SYT9: variants seen among roughly 807,000 people sequenced by gnomAD.
SYT9 encodes the protein synaptotagmin-9.
In SYT9, 22 loss-of-function variants were observed where a neutral mutation model predicts 48.4. That is an observed-to-expected ratio of 0.45 (90% CI 0.32 to 0.65). The LOEUF is 0.65. SYT9 is among the 30% of genes least tolerant of loss of function. The probability of loss-of-function intolerance (pLI) is 0.03; values close to 1 mark genes in which losing one functional copy is unlikely to be tolerated. For missense variants in SYT9, 577 were observed against 622.0 expected (o/e 0.93, Z 0.77); for synonymous variants, 265 against 245.0 (o/e 1.08, Z -0.76).
At chr11:7,331,232 A>T (rs200375411) in intron 3 of SYT9, among the ~76,000 whole-genome samples, 1 of 84,754 alleles carries the variant, frequency 1.2e-5, no homozygotes, top group Non-Finnish European at 2.5e-5. Flanking sequence ...GATTTTTTAT[A>T]TTGAGGACCA....
In SYT9 at chr11:7,339,218, T is replaced by C. The variant is rs114171042; in HGVS notation, c.1044+25277T>C. Among the ~76,000 whole-genome samples the C allele has an allele frequency of 2.5e-3, 380 of 152,284 alleles. 3 individuals are homozygous for C. Among genetic ancestry groups the C allele is most frequent in the African/African-American group, 8.4e-3 (351 of 41,560 alleles). Reference sequence around the variant, plus strand: ...CATTTTCTAGGTAGATTTTCCTCCATCCCTTTATTTTGAGGCTATAGGTCT... The same window carrying C: ...CATTTTCTAGGTAGATTTTCCTCCACCCCTTTATTTTGAGGCTATAGGTCT... On this transcript the variant is annotated intron_variant, in intron 3 of 6. Transcript: ENST00000318881.
At chr11:7,317,927 G>C (rs1047441668) in intron 3 of SYT9, among the ~76,000 whole-genome samples, 16 of 152,150 alleles carry the variant, frequency 1.1e-4, no homozygotes, top group Non-Finnish European at 1.9e-4. Context: ...GTTCAACCTT[G>C]GCTGGTACTT....
intron 3 of SYT9, among the ~76,000 whole-genome samples, chr11:7,390,343 A>C (rs1850739830): frequency 6.6e-6 from 1 of 152,146 alleles, no homozygotes; most frequent in African/African-American, 2.4e-5. Context: ...ACTGTGTATA[A>C]ATATTATTTT....
At chr11:7,294,372 A>C (rs11826146) in intron 1 of SYT9, among the ~76,000 whole-genome samples, 2,369 of 152,244 alleles carry the variant, frequency 0.016, 54 homozygotes, top group African/African-American at 0.055. Flanking sequence ...TCCAGCATTA[A>C]CTCTAAAGTC....
chr11:7,420,477 GAAA>G, intron 5 of SYT9, 26 bp from the exon 6 acceptor site: 1 of 1,610,744 alleles, frequency 6.2e-7, no homozygotes, highest in East Asian at 2.2e-5. Context: ...AAAATTTTAA[GAAA>G]AAACTATTGT....
intron 6 of SYT9, among the ~76,000 whole-genome samples, chr11:7,442,188 G>A (rs555935833): frequency 7.9e-5 from 12 of 151,896 alleles, no homozygotes; most frequent in South Asian, 6.2e-4. Flanking sequence ...TGCCATCAAC[G>A]CTCTGCTCTC....
chr11:7,313,834 T>G lies in SYT9; in HGVS notation c.937T>G (p.Phe313Val). 6.2e-7 allele frequency: 1 copy of G among 1,614,190 alleles called. No individual in the cohort carries two copies. Among genetic ancestry groups the G allele is most frequent in the Non-Finnish European group, 8.5e-7 (1 of 1,180,018 alleles). Reference protein sequence around the residue: ...LHFSVYDFDRFSRHDLIGQVV... With the variant: ...LHFSVYDFDRVSRHDLIGQVV... ...CTTCTCTGTGTACGACTTTGACAGG[T>G]TCTCTCGTCATGACTTAATCGGCCA... The change falls in exon 3 of 7, where the codon TTC becomes GTC. Residue 313 changes from phenylalanine (F) to valine (V), a missense_variant. Transcript: ENST00000318881.
At chr11:7,397,811 T>C (rs1338871947) in intron 3 of SYT9, among the ~76,000 whole-genome samples, 1 of 152,228 alleles carries the variant, frequency 6.6e-6, no homozygotes, top group Non-Finnish European at 1.5e-5. Context: ...ATTGCTAATA[T>C]ATAAAAATCA....
chr11:7,450,075 C>T (rs1237475595), intron 6 of SYT9, among the ~76,000 whole-genome samples: 1 of 152,178 alleles, frequency 6.6e-6, no homozygotes, highest in Non-Finnish European at 1.5e-5. Flanking sequence ...CTATCCAGAC[C>T]ACTGTGCTCA....
chr11:7,397,536 C>G (rs916121662), intron 3 of SYT9, among the ~76,000 whole-genome samples: 7 of 151,984 alleles, frequency 4.6e-5, no homozygotes, highest in African/African-American at 1.7e-4. Flanking sequence ...ATTTTAGAAT[C>G]AGTATTTCAA....
chr11:7,330,846 A>G (rs1202474386), intron 3 of SYT9, among the ~76,000 whole-genome samples: 1 of 152,166 alleles, frequency 6.6e-6, no homozygotes, highest in East Asian at 1.9e-4. Flanking sequence ...ACAGGTGCCC[A>G]CCACTACACC....
intron 6 of SYT9, among the ~76,000 whole-genome samples, chr11:7,452,376 G>A (rs4312043): frequency 0.31 from 47,140 of 152,018 alleles, 8,224 homozygotes; most frequent in African/African-American, 0.46. Context: ...CTCTGACTCT[G>A]TCCACTGCTT....
At chr11:7,399,141 C>T (rs1030927048) in intron 3 of SYT9, among the ~76,000 whole-genome samples, 2 of 152,084 alleles carry the variant, frequency 1.3e-5, no homozygotes, top group Admixed American at 1.3e-4. Flanking sequence ...TTGTCTGTTG[C>T]ACAGAAATTC....
chr11:7,321,447 T>G (rs933125027), intron 3 of SYT9, among the ~76,000 whole-genome samples: 3 of 152,194 alleles, frequency 2.0e-5, no homozygotes, highest in African/African-American at 4.8e-5. Flanking sequence ...GCAGGCAGGC[T>G]CTGTGATTGA....
chr11:7,334,404 C>T (rs1214259473), intron 3 of SYT9, among the ~76,000 whole-genome samples: 1 of 151,998 alleles, frequency 6.6e-6, no homozygotes, highest in East Asian at 1.9e-4. Context: ...AGGCCACTCG[C>T]GTGTGGTTAA....
chr11:7,443,275 A>G (rs1847862131), intron 6 of SYT9, among the ~76,000 whole-genome samples: 1 of 152,256 alleles, frequency 6.6e-6, no homozygotes, highest in African/African-American at 2.4e-5. Flanking sequence ...TGCTGGTCCC[A>G]TCCCCCACAG....
intron 1 of SYT9, among the ~76,000 whole-genome samples, chr11:7,296,677 C>T (rs946751007): frequency 6.6e-6 from 1 of 152,050 alleles, no homozygotes; most frequent in Non-Finnish European, 1.5e-5. Context: ...AAGAGAGACA[C>T]ATTCATTTTA....
In SYT9 at chr11:7,303,236, T is replaced by C. The variant is rs1054802519; in HGVS notation, c.343T>C (p.Phe115Leu). Residue 115 changes from phenylalanine to leucine, a missense_variant, in exon 2 of 7, where the codon TTC (phenylalanine) becomes CTC (leucine). Phe to Leu is a conservative substitution (Grantham distance 22). Transcript: ENST00000318881. ...CAATGAGCAGGAGAACAGTGAGGAC[T>C]TCCTAGATCCTCCCACGCCCTGCCC... ...ETNEQENSED[F>L]LDPPTPCPDS... 1.7e-5 allele frequency: 27 copies of C among 1,613,968 alleles called. No individual in the cohort carries two copies. The highest frequency in any genetic ancestry group is 2.3e-5 in the Non-Finnish European group (27 of 1,180,018).
intron 3 of SYT9, among the ~76,000 whole-genome samples, chr11:7,389,422 C>T (rs974913631): frequency 6.6e-6 from 1 of 152,098 alleles, no homozygotes; most frequent in Non-Finnish European, 1.5e-5. Context: ...CGAGGACTTC[C>T]AGTTAAATCC....
Sources: gnomAD v4.1 joint callset for allele counts (sites outside exome capture counted in the v4.1 genomes callset) on GRCh38, gnomAD v4.1.1 for gene constraint, MANE v1.5 for transcripts, NCBI Gene and HGNC (gene_info 2026-07-23, HGNC 2026-07-21) for gene names.